The following FHDC1 variants were observed in gnomAD, a reference collection of about 807,000 sequenced individuals.
FHDC1 encodes the protein FH2 domain containing 1, also known as FH2 domain-containing protein 1.
A neutral mutation model predicts 52.6 loss-of-function variants in FHDC1; 25 were observed. The observed-to-expected ratio is 0.48, with a 90% CI of 0.35 to 0.66. The LOEUF is 0.66. FHDC1 is among the 30% of genes least tolerant of loss of function. The probability of loss-of-function intolerance (pLI) is 0.01; values close to 1 mark genes in which losing one functional copy is unlikely to be tolerated. For synonymous variants in FHDC1, 616 were observed against 581.5 expected (o/e 1.06, Z -0.85); for missense variants, 1,459 against 1,452.8 (o/e 1.00, Z -0.07).
At chr4:152,953,470 A>G (rs1255585458) in intron 2 of FHDC1, 29 bp from the exon 3 acceptor site, 13 of 1,570,728 alleles carry the variant, frequency 8.3e-6, no homozygotes, top group Non-Finnish European at 1.0e-5. Flanking sequence ...GAATTTAGTA[A>G]TCCTATGTGT....
chr4:152,919,467 T>C, the FHDC1 span, among the ~76,000 whole-genome samples: 2 of 152,260 alleles, frequency 1.3e-5, no homozygotes, highest in Admixed American at 1.3e-4. Flanking sequence ...CATTCTACCA[T>C]GGCAGCTAGG....
upstream of FHDC1, among the ~76,000 whole-genome samples, chr4:152,933,341 C>T (rs577284120): frequency 9.2e-5 from 14 of 152,318 alleles, no homozygotes; most frequent in East Asian, 2.5e-3. Flanking sequence ...GATTTTGCAG[C>T]TTTAGATCCA....
intron 11 of FHDC1, 133 bp from the exon 12 acceptor site, chr4:152,974,542 T>C (rs1740776890): frequency 7.5e-7 from 1 of 1,330,330 alleles, no homozygotes. Flanking sequence ...ACAGCCTCTT[T>C]CTCAGTGTAA....
the FHDC1 span, among the ~76,000 whole-genome samples, chr4:152,926,305 A>G: frequency 3.2e-4 from 36 of 112,972 alleles, no homozygotes; most frequent in South Asian, 8.5e-4. Flanking sequence ...CACACACACA[A>G]ACAATACACA....
intron 11 of FHDC1, among the ~76,000 whole-genome samples, chr4:152,974,180 A>G (rs1253846391): frequency 6.6e-6 from 1 of 152,238 alleles, no homozygotes; most frequent in Non-Finnish European, 1.5e-5. Context: ...CATGCTGCAC[A>G]GAAGTACAAT....
upstream of FHDC1, among the ~76,000 whole-genome samples, chr4:152,935,468 A>T (rs72725619): frequency 6.6e-6 from 1 of 152,084 alleles, no homozygotes; most frequent in Admixed American, 6.5e-5. Context: ...GAAAAAAAAA[A>T]TGTGATTAAA....
chr4:152,963,779 T>TG (rs1486759890), intron 8 of FHDC1, among the ~76,000 whole-genome samples: 5 of 112,500 alleles, frequency 4.4e-5, no homozygotes, highest in East Asian at 2.8e-4. Context: ...GTTTTTTTTT[T>TG]TTTTTTTTTT....
chr4:152,945,245 G>A (rs1310708073), intron 2 of FHDC1, among the ~76,000 whole-genome samples: 1 of 152,250 alleles, frequency 6.6e-6, no homozygotes, highest in South Asian at 2.1e-4. Flanking sequence ...TCTCAACTAT[G>A]ATAGAAGCAG....
chr4:152,949,401 G>A (rs925560154), intron 2 of FHDC1, among the ~76,000 whole-genome samples: 2 of 152,016 alleles, frequency 1.3e-5, no homozygotes, highest in African/African-American at 4.8e-5. Context: ...GATTGCTTGA[G>A]CCCAGGAGTT....
At chr4:152,952,035 A>G (rs1370625538) in intron 2 of FHDC1, among the ~76,000 whole-genome samples, 2 of 152,028 alleles carry the variant, frequency 1.3e-5, no homozygotes, top group Non-Finnish European at 2.9e-5. Flanking sequence ...ATGCAAAAAC[A>G]AACAAACAAA....
chr4:152,944,586 C>T (rs559613600), intron 2 of FHDC1, among the ~76,000 whole-genome samples: 2 of 152,332 alleles, frequency 1.3e-5, no homozygotes, highest in South Asian at 4.1e-4. Flanking sequence ...GACCTCTTTT[C>T]TCTTTCTCTC....
chr4:152,972,554 G>A lies in FHDC1; in HGVS notation c.1383+13G>A, dbSNP rs773661282. 5 of 1,599,858 alleles carry A rather than the reference G, an allele frequency of 3.1e-6. No homozygotes were observed. Among genetic ancestry groups the A allele is most frequent in the Non-Finnish European group, 4.3e-6 (5 of 1,175,470 alleles). On this transcript the variant is annotated intron_variant, in intron 11 of 11. Coordinates refer to ENST00000511601, the MANE Select transcript of FHDC1 (RefSeq NM_001371116.1). ...CAAAGCAGTTAAGGTACATCTGGCA[G>A]CATCTGTGTCTTGGGGTTGTTTGGA...
At chr4:152,961,788 C>T (rs1740289474) in intron 6 of FHDC1, among the ~76,000 whole-genome samples, 1 of 152,122 alleles carries the variant, frequency 6.6e-6, no homozygotes, top group African/African-American at 2.4e-5. Context: ...AGAGAGGAGA[C>T]TAAGAAGGAA....
intron 2 of FHDC1, among the ~76,000 whole-genome samples, chr4:152,947,660 T>G (rs188456150): frequency 6.6e-6 from 1 of 152,304 alleles, no homozygotes; most frequent in East Asian, 1.9e-4. Context: ...AGGGATCAGC[T>G]TATGAGGCAT....
chr4:152,918,188 T>C, the FHDC1 span, among the ~76,000 whole-genome samples: 1 of 152,210 alleles, frequency 6.6e-6, no homozygotes, highest in Non-Finnish European at 1.5e-5. Context: ...AAGTCTTTTT[T>C]CCCCAAACAC....
chr4:152,934,508 G>A (rs747988521), upstream of FHDC1, among the ~76,000 whole-genome samples: 6 of 152,156 alleles, frequency 3.9e-5, no homozygotes, highest in Non-Finnish European at 7.3e-5. Flanking sequence ...AAGGATACAT[G>A]TCTAGTATTA....
rs748817109 is a variant in FHDC1, at chr4:152,976,660, C to T, written c.3369C>T (p.Ser1123=). 64 of 1,576,264 alleles carry T rather than the reference C, an allele frequency of 4.1e-5. No individual in the cohort carries two copies. The Admixed American group carries it at 1.2e-3, about 29-fold the overall frequency. The part of the protein sequence containing the change: ...LKARGAGERA[S]LRRKDSSRTT... ...CCAGAGGGGCTGGGGAAAGGGCCTC[C>T]CTCCGTCGGAAGGACTCCAGTCGGA... The change falls in exon 12 of 12, where the codon TCC becomes TCT. Residue 1123 remains serine, a synonymous_variant. Coordinates refer to ENST00000511601, the MANE Select transcript of FHDC1 (RefSeq NM_001371116.1).
At chr4:152,959,996 G>A (rs997862461) in intron 4 of FHDC1, among the ~76,000 whole-genome samples, 5 of 152,034 alleles carry the variant, frequency 3.3e-5, no homozygotes, top group Admixed American at 6.6e-5. Flanking sequence ...GAGCAGATGC[G>A]TACTCACCTG....
the FHDC1 span, among the ~76,000 whole-genome samples, chr4:152,920,649 T>C: frequency 1.3e-5 from 2 of 152,118 alleles, no homozygotes; most frequent in South Asian, 2.1e-4. Context: ...ATAAAACTTA[T>C]GGGAGCTAAA....
Sources: gnomAD v4.1 joint callset for allele counts (sites outside exome capture counted in the v4.1 genomes callset) on GRCh38, gnomAD v4.1.1 for gene constraint, MANE v1.5 for transcripts, NCBI Gene and HGNC (gene_info 2026-07-23, HGNC 2026-07-21) for gene names.